The following ROBO4 variants were observed in gnomAD, a reference collection of about 807,000 sequenced individuals.
The protein encoded by ROBO4 is roundabout guidance receptor 4.
Under a neutral mutation model 103.3 loss-of-function variants are expected in ROBO4, and 80 were observed. The ratio of observed to expected loss-of-function variants is 0.77; its 90% CI spans 0.65 to 0.93. The LOEUF (loss-of-function observed/expected upper bound fraction) is 0.93, where lower values mean the gene tolerates loss of function less well. Ranked by LOEUF, ROBO4 falls within the 40% of genes least tolerant of loss-of-function variation. The pLI, the probability that ROBO4 is intolerant of heterozygous loss-of-function variation, is 0.00. For missense variants in ROBO4, 1,333 were observed against 1,305.3 expected, an observed-to-expected ratio of 1.02 and a Z score of -0.33; for synonymous variants, 504 against 529.7, an observed-to-expected ratio of 0.95 and a Z score of 0.67.
At position 124,886,857 on chromosome 11, in the gene ROBO4, T is replaced by G. The variant is rs201344819; in HGVS notation, c.2436-35A>C. 15 of 1,528,486 alleles carry G rather than the reference T, an allele frequency of 9.8e-6. 1 individual carries two copies. In the Admixed American group the frequency reaches 2.7e-4, roughly 27 times the overall value. 94.7% of individuals were successfully genotyped at this position (1,528,486 alleles called of 1,614,324 possible). ...GGCAAAAGGGGAGACAGCAATGGTTTGGGTGGAATGAGGGTTGTAGTAACA... is the reference window on the plus strand; with the variant it reads ...GGCAAAAGGGGAGACAGCAATGGTTGGGGTGGAATGAGGGTTGTAGTAACA... On this transcript the variant is annotated intron_variant, in intron 15 of 17. Transcript: ENST00000306534.
In ROBO4 at chr11:124,894,131, C is replaced by T. The variant is rs143853357; in HGVS notation, c.1318+70G>A. On this transcript the variant is annotated intron_variant, in intron 8 of 17. Coordinates refer to ENST00000306534, the MANE Select transcript of ROBO4 (RefSeq NM_019055.6). ...AGGGGGAAGAGCTGGAAGTGTGAGG[C>T]GGGAGCAGGGAGAGAGGAAGGCGGG... 7.3e-5 allele frequency: 114 copies of T among 1,556,406 alleles called. 1 individual carries two copies. The East Asian group carries it at 1.8e-3, about 25-fold the overall frequency.
chr11:124,894,069 G>A (rs906327627), intron 8 of ROBO4, 24 bp from the exon 9 acceptor site: 16 of 1,540,872 alleles, frequency 1.0e-5, no homozygotes, highest in Non-Finnish European at 1.3e-5. Context: ...AGAGCTCAGA[G>A]GGAGAGGGAG....
chr11:124,893,639 T>C, intron 10 of ROBO4, 49 bp downstream of exon 10: 1 of 1,566,572 alleles, frequency 6.4e-7, no homozygotes, highest in African/African-American at 1.4e-5. Flanking sequence ...GCAGCTCCAC[T>C]GTCCCTTGCC....
Position 124,885,246 on chromosome 11 carries a change from A to C in ROBO4, c.2796T>G (p.Asp932Glu). 1 of 1,609,702 alleles carries C rather than the reference A, an allele frequency of 6.2e-7. No individual in the cohort carries two copies. Among genetic ancestry groups the C allele is most frequent in the Middle Eastern group, 1.7e-4 (1 of 5,932 alleles). Reference sequence around the variant, plus strand: ...CCCGTGGGGAGGGAGGTGATGAGGCATCTGTCAGGGAGGGTAGAGGTGTCT... The same window carrying C: ...CCCGTGGGGAGGGAGGTGATGAGGCCTCTGTCAGGGAGGGTAGAGGTGTCT... ...EPREADCVFI[D>E]ASSPPSPRDE... Residue 932 changes from aspartate (D) to glutamate (E), a missense_variant and splice_region_variant, in exon 17 of 18, where the codon GAT becomes GAG. By Grantham distance (45) the Asp-to-Glu change is conservative (BLOSUM62 2). Coordinates refer to ENST00000306534, the MANE Select transcript of ROBO4 (RefSeq NM_019055.6).
chr11:124,895,636 G>A lies in ROBO4; in HGVS notation c.857C>T (p.Thr286Ile), dbSNP rs1385753199. ...TCCCTGGCCTCCCGGGGCAGTCTGG[G>A]TCCTGAACAAGGCCGTGTAAGATTG... ...PAQSYTALFR[T>I]QTAPGGQGAP... is the part of the protein sequence containing the mutation. Residue 286 changes from threonine (T) to isoleucine (I), a missense_variant, in exon 6 of 18, where the codon ACC (threonine) becomes ATC (isoleucine). Coordinates refer to ENST00000306534, the MANE Select transcript of ROBO4 (RefSeq NM_019055.6). 2 of 1,613,924 alleles carry A rather than the reference G, an allele frequency of 1.2e-6. No individual in the cohort carries two copies. The highest frequency in any genetic ancestry group is 8.5e-7 in the Non-Finnish European group (1 of 1,180,024).
chr11:124,895,004 G>T, intron 7 of ROBO4, 77 bp downstream of exon 7: 1 of 1,125,802 alleles, frequency 8.9e-7, no homozygotes. Context: ...AGTGCCCAGA[G>T]CAAGGGTATG....
At position 124,887,484 on chromosome 11, in the gene ROBO4, G is replaced by T; in HGVS notation, c.2072C>A (p.Ala691Asp). ...TCCCAGGGCCCGCCAGGCAACCAGA[G>T]CTTGGGGCACAGCTCCTGGGGAAGA... The part of the protein sequence containing the change: ...LSQSPGAVPQ[A>D]LVAWRALGPK... Residue 691 changes from alanine (A) to aspartate (D), a missense_variant, in exon 14 of 18, where the codon GCT becomes GAT. Transcript: ENST00000306534. The T allele has an allele frequency of 6.2e-7, 1 of 1,613,854 alleles. No individual in the cohort carries two copies.
chr11:124,886,991 A>G lies in ROBO4; in HGVS notation c.2421T>C (p.Gly807=). Reference sequence around the variant, plus strand: ...AAGCTACTCACCTGGGAGTCTCCTCACCCTCACTGAGTTCCAAGCACAGGG... The same window carrying G: ...AAGCTACTCACCTGGGAGTCTCCTCGCCCTCACTGAGTTCCAAGCACAGGG... ...EVALCLELSE[G]EETPRNSVSP... Residue 807 remains glycine (G), a synonymous_variant, in exon 15 of 18, where the codon GGT becomes GGC. Transcript: ENST00000306534. 1 of 1,610,616 alleles carries G rather than the reference A, an allele frequency of 6.2e-7. No homozygotes were observed. Among genetic ancestry groups the G allele is most frequent in the Non-Finnish European group, 8.5e-7 (1 of 1,177,660 alleles).
intron 16 of ROBO4, 21 bp from the exon 17 acceptor site, chr11:124,885,268 G>A: frequency 1.3e-6 from 2 of 1,597,250 alleles, no homozygotes; most frequent in Non-Finnish European, 1.7e-6. Context: ...GGGTAGAGGT[G>A]TCTGTGGGAG....
At chr11:124,892,939 G>C (rs1169935972) in intron 10 of ROBO4, 1 of 152,622 alleles carries the variant, frequency 6.6e-6, no homozygotes, top group East Asian at 1.9e-4. Context: ...CTGAGGACCT[G>C]ACAGTGAAAT....
rs1421002145 is a variant in ROBO4, at chr11:124,883,964, G to A, written c.*927C>T. ...TTCCCTCAGCCATAAATATCCCTAA[G>A]GCTTATCTTGAGGAGGTGGATTTAA... is the stretch of plus-strand genomic sequence containing the variant. On this transcript the variant is annotated 3_prime_UTR_variant, in exon 18 of 18. Coordinates refer to ENST00000306534, the MANE Select transcript of ROBO4 (RefSeq NM_019055.6). 1 of 152,052 alleles carries A rather than the reference G, an allele frequency of 6.6e-6. No homozygotes were observed. The allele number at this position is 152,052 out of a possible 1,614,324, so 9.4% of individuals were successfully genotyped here. A position where few individuals can be genotyped will look rare whatever the true frequency, so the allele number is the denominator to read the frequency against.
chr11:124,891,015 T>C (rs1423300138), intron 12 of ROBO4, among the ~76,000 whole-genome samples: 1 of 152,252 alleles, frequency 6.6e-6, no homozygotes, highest in African/African-American at 2.4e-5. Flanking sequence ...GCAGTGGTGC[T>C]TATTAAACGT....
intron 12 of ROBO4, among the ~76,000 whole-genome samples, chr11:124,888,459 A>G (rs1346769416): frequency 6.6e-6 from 1 of 152,248 alleles, no homozygotes; most frequent in Non-Finnish European, 1.5e-5. Flanking sequence ...ACAGGGATCG[A>G]CACACAATGT....
At chr11:124,897,540 T>C (rs1946918154) in intron 1 of ROBO4, 186 bp downstream of exon 1, 1 of 592,654 alleles carries the variant, frequency 1.7e-6, no homozygotes, top group Non-Finnish European at 3.1e-6. Context: ...TCTTTCCTTC[T>C]TTCTCTCTCT....
intron 16 of ROBO4, 23 bp from the exon 17 acceptor site, chr11:124,885,270 C>G: frequency 6.3e-7 from 1 of 1,596,794 alleles, no homozygotes; most frequent in Non-Finnish European, 8.5e-7. Context: ...GTAGAGGTGT[C>G]TGTGGGAGGT....
intron 10 of ROBO4, chr11:124,892,151 C>T: frequency 2.1e-6 from 1 of 476,714 alleles, no homozygotes; most frequent in Admixed American, 2.4e-5. Flanking sequence ...ATCTGTTGCA[C>T]TTGGGTAAGT....
At chr11:124,886,177 A>T (rs760194642) in intron 16 of ROBO4, among the ~76,000 whole-genome samples, 8 of 152,228 alleles carry the variant, frequency 5.3e-5, no homozygotes, top group Non-Finnish European at 1.0e-4. Context: ...AACAAAACAA[A>T]AACAAACAAA....
rs1391463855 is a variant in ROBO4 at position 124,896,218 on chromosome 11, G to T, written c.659C>A (p.Ala220Glu). 6.2e-7 allele frequency: 1 copy of T among 1,614,120 alleles called. No homozygotes were observed. The highest frequency in any genetic ancestry group is 2.2e-5 in the East Asian group (1 of 44,870). ...TNSAGHRESR[A>E]ARVSIQEPQD... ...CTTACCCTGGATGGAAACCCGGGCT[G>T]CGCGGCTCTCCCTATGTCCTGCGCT... Residue 220 changes from alanine to glutamate, a missense_variant, in exon 4 of 18, where the codon GCA (alanine) becomes GAA (glutamate). Coordinates refer to ENST00000306534, the MANE Select transcript of ROBO4 (RefSeq NM_019055.6).
chr11:124,886,470 A>G lies in ROBO4; in HGVS notation c.2788T>C (p.Phe930Leu), dbSNP rs1242272335. The G allele has an allele frequency of 6.2e-7, 1 of 1,612,150 alleles. No individual in the cohort carries two copies. ...ATGGGGAGACCTCACATACCTATGAAGACGCAGTCTGCCTCCCTGGGCTCT... is the reference window on the plus strand; with the variant it reads ...ATGGGGAGACCTCACATACCTATGAGGACGCAGTCTGCCTCCCTGGGCTCT... ...GLEPREADCV[F>L]IDASSPPSPR... The change falls in exon 16 of 18, where the codon TTC becomes CTC. Residue 930 changes from phenylalanine (F) to leucine (L), a missense_variant. Transcript: ENST00000306534.
Sources: allele counts gnomAD v4.1 joint callset (sites outside exome capture counted in the v4.1 genomes callset), GRCh38; gene constraint gnomAD v4.1.1; transcripts MANE v1.5; gene names NCBI Gene and HGNC (gene_info 2026-07-23, HGNC 2026-07-21).